TSNARE1: variants seen among roughly 807,000 people sequenced by gnomAD.
The protein encoded by TSNARE1 is t-SNARE domain-containing protein 1.
In TSNARE1, 49 loss-of-function variants were observed where a neutral mutation model predicts 62.0. The observed-to-expected ratio is 0.79, with a 90% confidence interval of 0.63 to 1.00. The LOEUF is 1.00. Ranked by LOEUF, TSNARE1 falls within the 50% of genes least tolerant of loss-of-function variation. The pLI is 0.00. For missense variants in TSNARE1, 755 were observed against 700.1 expected (o/e 1.08, Z -0.88); for synonymous variants, 328 against 294.4 (o/e 1.11, Z -1.17).
intron 6 of TSNARE1, among the ~76,000 whole-genome samples, chr8:142,324,893 C>T (rs893634408): frequency 4.6e-5 from 7 of 152,264 alleles, no homozygotes; most frequent in Admixed American, 2.0e-4. Flanking sequence ...ACGCCCCTGC[C>T]GGTCCCTCGG....
intron 2 of TSNARE1, among the ~76,000 whole-genome samples, chr8:142,346,806 C>T (rs1179934155): frequency 1.3e-5 from 2 of 152,244 alleles, no homozygotes; most frequent in African/African-American, 2.4e-5. Context: ...GGAAAAGGCC[C>T]TTCATACAAC....
intron 13 of TSNARE1, among the ~76,000 whole-genome samples, chr8:142,213,793 A>G (rs978255765): frequency 1.3e-5 from 2 of 152,184 alleles, no homozygotes; most frequent in Admixed American, 6.5e-5. Context: ...CCAGGTGCCC[A>G]GCAGGTGGCC....
chr8:142,226,505 G>A (rs571643027), intron 13 of TSNARE1, among the ~76,000 whole-genome samples: 22 of 152,198 alleles, frequency 1.4e-4, no homozygotes, highest in Admixed American at 3.9e-4. Flanking sequence ...CCTTTGCTAC[G>A]AGGACTCAGA....
At chr8:142,391,044 T>G (rs990378108) in intron 1 of TSNARE1, among the ~76,000 whole-genome samples, 2 of 146,846 alleles carry the variant, frequency 1.4e-5, no homozygotes, top group African/African-American at 2.5e-5. Context: ...TGCGGGGGAC[T>G]CTGTAACAGA....
chr8:142,258,763 C>T lies in TSNARE1; in HGVS notation c.1446+16018G>A, dbSNP rs561311598. 2.4e-4 allele frequency among the ~76,000 whole-genome samples: 37 copies of T among 152,258 alleles called. 1 individual carries two copies. The East Asian group carries it at 4.2e-3, about 17-fold the overall frequency. On this transcript the variant is annotated intron_variant, in intron 12 of 13. Coordinates refer to ENST00000524325, the MANE Select transcript of TSNARE1 (RefSeq NM_145003.5). ...TCTCAAACTCCTGACCTCAAGTGAT[C>T]CACCCACCTTGGCCTCCCAAAGTGC...
At chr8:142,301,506 C>T (rs1374951800) in intron 9 of TSNARE1, among the ~76,000 whole-genome samples, 1 of 144,682 alleles carries the variant, frequency 6.9e-6, no homozygotes, top group Admixed American at 6.9e-5. Flanking sequence ...TGCCAGCGGG[C>T]CTTCCTTCCC....
chr8:142,274,962 G>A (rs1820207867), intron 11 of TSNARE1, 99 bp from the exon 12 acceptor site: 1 of 1,399,096 alleles, frequency 7.1e-7, no homozygotes. Flanking sequence ...CCTGAGCCCA[G>A]GGCCTGCAGA....
chr8:142,232,402 G>A (rs896239102), intron 12 of TSNARE1, among the ~76,000 whole-genome samples: 2 of 152,202 alleles, frequency 1.3e-5, no homozygotes, highest in East Asian at 1.9e-4. Context: ...GCCTCCTTAC[G>A]TGGTCCCAGG....
chr8:142,386,694 T>C (rs954233218), intron 1 of TSNARE1, among the ~76,000 whole-genome samples: 5 of 152,230 alleles, frequency 3.3e-5, no homozygotes, highest in Non-Finnish European at 5.9e-5. Flanking sequence ...GCACTAGTTA[T>C]GACCTTATAG....
chr8:142,379,992 T>G (rs531661102), intron 1 of TSNARE1, among the ~76,000 whole-genome samples: 6 of 152,306 alleles, frequency 3.9e-5, no homozygotes, highest in African/African-American at 1.2e-4. Context: ...GAACTGACAC[T>G]GGAGGGAGAG....
chr8:142,269,922 A>G, intron 12 of TSNARE1: 1 of 985,456 alleles, frequency 1.0e-6, no homozygotes, highest in East Asian at 1.1e-4. Context: ...GGAAAACGCA[A>G]AACGAGGAAA....
chr8:142,232,794 T>C (rs1392111752), intron 12 of TSNARE1, among the ~76,000 whole-genome samples: 1 of 152,188 alleles, frequency 6.6e-6, no homozygotes, highest in Non-Finnish European at 1.5e-5. Flanking sequence ...CTGAGACAGT[T>C]GGCAGAGGCA....
intron 2 of TSNARE1, among the ~76,000 whole-genome samples, chr8:142,347,445 A>G (rs905803331): frequency 6.6e-6 from 1 of 152,166 alleles, no homozygotes; most frequent in Non-Finnish European, 1.5e-5. Flanking sequence ...CTGTCCCTCC[A>G]GCTCCCGGCA....
At chr8:142,267,187 G>A (rs1002956484) in intron 12 of TSNARE1, among the ~76,000 whole-genome samples, 2 of 152,106 alleles carry the variant, frequency 1.3e-5, no homozygotes, top group African/African-American at 2.4e-5. Flanking sequence ...TTCCCTCAAC[G>A]GCTTTCCCCA....
Position 142,354,766 on chromosome 8 carries a change from G to A in TSNARE1, c.-39-3C>T, listed in dbSNP as rs777272820. On this transcript the variant is annotated splice_region_variant and splice_polypyrimidine_tract_variant and intron_variant, in intron 1 of 13. Coordinates refer to ENST00000524325, the MANE Select transcript of TSNARE1 (RefSeq NM_145003.5). ...GGGCCAGCAGCCTCCACACTGAGCTGGAGGAAACACGAAAAGCAGGGGGAA... is the reference window on the plus strand; with the variant it reads ...GGGCCAGCAGCCTCCACACTGAGCTAGAGGAAACACGAAAAGCAGGGGGAA... The A allele has an allele frequency of 1.3e-6, 2 of 1,524,354 alleles. No homozygotes were observed. Among genetic ancestry groups the A allele is most frequent in the African/African-American group, 2.7e-5 (2 of 72,868 alleles). 94.4% of individuals were successfully genotyped at this position (1,524,354 alleles called of 1,614,324 possible).
intron 7 of TSNARE1, 90 bp downstream of exon 7, chr8:142,318,454 T>C: frequency 1.5e-6 from 2 of 1,308,022 alleles, no homozygotes; most frequent in Non-Finnish European, 2.1e-6. Context: ...AGCCTCCCTG[T>C]ATCCTGCCTC....
In TSNARE1 at chr8:142,291,842, C is replaced by T. The variant is rs1235780235; in HGVS notation, c.1291-7357G>A. Among the ~76,000 whole-genome samples the T allele has an allele frequency of 3.9e-5, 6 of 152,032 alleles. No homozygotes were observed. The highest frequency in any genetic ancestry group is 1.4e-4 in the African/African-American group (6 of 41,382). Reference sequence around the variant, plus strand: ...GGCCTCGGGCAATAGGAACCAGGAGCAGGGGTGGCCGGGCCTGCCCAGGGA... The same window carrying T: ...GGCCTCGGGCAATAGGAACCAGGAGTAGGGGTGGCCGGGCCTGCCCAGGGA... On this transcript the variant is annotated intron_variant, in intron 10 of 13. Transcript: ENST00000524325. The surrounding 1 kb of genome is among the most constrained non-coding windows in gnomAD (Gnocchi z 4.8).
intron 7 of TSNARE1, among the ~76,000 whole-genome samples, chr8:142,315,862 T>C (rs1337974169): frequency 6.6e-6 from 1 of 152,216 alleles, no homozygotes; most frequent in Admixed American, 6.5e-5. Context: ...TACCACAGCC[T>C]TGACCTCTTC....
Position 142,282,755 on chromosome 8 carries a change from G to A in TSNARE1, c.1363+1658C>T, listed in dbSNP as rs563274258. On this transcript the variant is annotated intron_variant, in intron 11 of 13. Coordinates refer to ENST00000524325, the MANE Select transcript of TSNARE1 (RefSeq NM_145003.5). ...CCACTGTCTGTCTAAGGGCAAAGGC[G>A]GGGTCAGTGTCTGCCAATGAGCAGA... 1.0e-4 allele frequency among the ~76,000 whole-genome samples: 15 copies of A among 148,298 alleles called. No homozygotes were observed. In the East Asian group the frequency reaches 2.4e-3, roughly 24 times the overall value.
Sources: allele counts gnomAD v4.1 joint callset (sites outside exome capture counted in the v4.1 genomes callset), GRCh38; gene constraint gnomAD v4.1.1; non-coding constraint Gnocchi (gnomAD v3.1); transcripts MANE v1.5; gene names NCBI Gene and HGNC (gene_info 2026-07-23, HGNC 2026-07-21).